Variants in ARHGAP42 observed in about 807,000 individuals in gnomAD.
ARHGAP42 encodes the protein Rho GTPase activating protein 42, also known as rho GTPase-activating protein 42.
A neutral mutation model predicts 125.0 loss-of-function variants in ARHGAP42; 63 were observed. That is an observed-to-expected ratio of 0.50 (90% confidence interval 0.41 to 0.62). The LOEUF is 0.62. Ranked by LOEUF, ARHGAP42 falls within the 20% of genes least tolerant of loss-of-function variation. ARHGAP42 has a pLI of 0.00. For missense variants in ARHGAP42, 766 were observed against 1,024.2 expected, an observed-to-expected ratio of 0.75 and a Z score of 3.44; for synonymous variants, 339 against 351.0, an observed-to-expected ratio of 0.97 and a Z score of 0.38.
intron 1 of ARHGAP42, among the ~76,000 whole-genome samples, chr11:100,751,279 G>GTGTGTTT (rs761001184): frequency 1.1e-5 from 1 of 93,480 alleles, no homozygotes; most frequent in African/African-American, 5.0e-5. Context: ...GTGTGTGTGT[G>GTGTGTTT]TTTTTTTTTT....
At chr11:100,819,803 T>G (rs616680) in intron 3 of ARHGAP42, among the ~76,000 whole-genome samples, 8,047 of 152,238 alleles carry the variant, frequency 0.053, 341 homozygotes, top group African/African-American at 0.13. Context: ...AAATATAGAA[T>G]AATGAAAGGG....
chr11:100,781,783 C>G (rs1457235685), intron 2 of ARHGAP42, among the ~76,000 whole-genome samples: 1 of 152,124 alleles, frequency 6.6e-6, no homozygotes, highest in Non-Finnish European at 1.5e-5. Context: ...GTTGATGTTA[C>G]AACAAACTGC....
intron 1 of ARHGAP42, among the ~76,000 whole-genome samples, chr11:100,735,017 C>CAAAA (rs1307916342): frequency 5.9e-5 from 9 of 151,952 alleles, no homozygotes; most frequent in African/African-American, 2.2e-4. Flanking sequence ...ACAACAACAA[C>CAAAA]AACAACAACA....
chr11:100,779,021 A>G (rs1489025537), intron 2 of ARHGAP42, among the ~76,000 whole-genome samples: 1 of 152,088 alleles, frequency 6.6e-6, no homozygotes, highest in Non-Finnish European at 1.5e-5. Flanking sequence ...CCTTCGTAGT[A>G]CTTTAGAGCT....
chr11:100,805,331 CA>C (rs1459945850), intron 3 of ARHGAP42, among the ~76,000 whole-genome samples: 2 of 152,146 alleles, frequency 1.3e-5, no homozygotes, highest in Non-Finnish European at 2.9e-5. Context: ...TTGTTGATAT[CA>C]TATGTAAGAT....
At chr11:100,715,487 A>G (rs534786062) in intron 1 of ARHGAP42, among the ~76,000 whole-genome samples, 31 of 152,254 alleles carry the variant, frequency 2.0e-4, no homozygotes, top group Non-Finnish European at 4.1e-4. Context: ...CTGGCTTGCC[A>G]TGGATTTTAG....
intron 1 of ARHGAP42, among the ~76,000 whole-genome samples, chr11:100,718,464 G>A (rs555869127): frequency 1.3e-5 from 2 of 152,178 alleles, no homozygotes; most frequent in Non-Finnish European, 2.9e-5. Flanking sequence ...GTATAGCTTG[G>A]TTGTCAGAAA....
intron 2 of ARHGAP42, among the ~76,000 whole-genome samples, chr11:100,790,656 G>A (rs1032993606): frequency 1.3e-5 from 2 of 152,086 alleles, no homozygotes; most frequent in African/African-American, 4.8e-5. Flanking sequence ...GTTTCTCCTT[G>A]TAGAGCAAAT....
chr11:100,840,237 C>T (rs1325862916), intron 3 of ARHGAP42, among the ~76,000 whole-genome samples: 2 of 152,132 alleles, frequency 1.3e-5, no homozygotes, highest in Admixed American at 6.6e-5. Flanking sequence ...CACAAAGCAG[C>T]TCTCCCTTAG....
intron 22 of ARHGAP42, among the ~76,000 whole-genome samples, chr11:100,984,408 A>G (rs141453727): frequency 3.6e-3 from 492 of 136,140 alleles, no homozygotes; most frequent in African/African-American, 0.01. Context: ...ACTTTTATAT[A>G]TAGTATTGCT....
intron 4 of ARHGAP42, among the ~76,000 whole-genome samples, chr11:100,908,817 C>G (rs1866826261): frequency 6.6e-6 from 1 of 152,182 alleles, no homozygotes; most frequent in Admixed American, 6.5e-5. Flanking sequence ...TTTGCAAAAC[C>G]TTCATACTGT....
intron 1 of ARHGAP42, among the ~76,000 whole-genome samples, chr11:100,706,881 A>G (rs775033791): frequency 6.6e-6 from 1 of 152,172 alleles, no homozygotes. Context: ...AAGAAACTCT[A>G]TCCCCATTAG....
intron 3 of ARHGAP42, among the ~76,000 whole-genome samples, chr11:100,854,588 G>A (rs2135132940): frequency 6.6e-6 from 1 of 152,258 alleles, no homozygotes; most frequent in East Asian, 1.9e-4. Flanking sequence ...ATTAATGCAA[G>A]ACGTGCTCGT....
intron 1 of ARHGAP42, among the ~76,000 whole-genome samples, chr11:100,713,506 C>T (rs1218193247): frequency 1.3e-5 from 2 of 152,154 alleles, no homozygotes; most frequent in Non-Finnish European, 2.9e-5. Flanking sequence ...GGATAACTAT[C>T]TTTGCCACAC....
chr11:100,782,620 G>A (rs1250261117), intron 2 of ARHGAP42, among the ~76,000 whole-genome samples: 1 of 152,026 alleles, frequency 6.6e-6, no homozygotes, highest in South Asian at 2.1e-4. Flanking sequence ...GGCCTAAGAC[G>A]TAAAAGAAAT....
At chr11:100,757,294 T>C (rs1203906114) in intron 1 of ARHGAP42, among the ~76,000 whole-genome samples, 6 of 152,206 alleles carry the variant, frequency 3.9e-5, no homozygotes, top group Non-Finnish European at 8.8e-5. Context: ...ACATGGCAGA[T>C]TGAGATTCCT....
chr11:100,725,056 G>GAA (rs1412812189), intron 1 of ARHGAP42, among the ~76,000 whole-genome samples: 3 of 152,018 alleles, frequency 2.0e-5, no homozygotes, highest in African/African-American at 7.2e-5. Flanking sequence ...TTTCTTTGGA[G>GAA]ATTTCTACGA....
At chr11:100,742,052 C>T (rs919233140) in intron 1 of ARHGAP42, among the ~76,000 whole-genome samples, 2 of 152,178 alleles carry the variant, frequency 1.3e-5, no homozygotes, top group African/African-American at 4.8e-5. Context: ...TCTCCCCTTC[C>T]GTTTCCCCAA....
chr11:100,706,117 C>T (rs1228952525), intron 1 of ARHGAP42, among the ~76,000 whole-genome samples: 1 of 151,892 alleles, frequency 6.6e-6, no homozygotes, highest in Non-Finnish European at 1.5e-5. Context: ...GTAGCTGGGA[C>T]TACAGGCGCG....
Sources: gnomAD v4.1 joint callset for allele counts (sites outside exome capture counted in the v4.1 genomes callset) on GRCh38, gnomAD v4.1.1 for gene constraint, MANE v1.5 for transcripts, NCBI Gene and HGNC (gene_info 2026-07-23, HGNC 2026-07-21) for gene names.